The following LSAMP variants were observed in gnomAD, a reference collection of about 807,000 sequenced individuals.
LSAMP encodes the protein limbic system-associated membrane protein.
A neutral mutation model predicts 38.6 loss-of-function variants in LSAMP; 7 were observed. The observed-to-expected ratio is 0.18, with a 90% CI of 0.10 to 0.34. LSAMP has a LOEUF of 0.34. Among genes scored for constraint, LSAMP ranks in the 10% least tolerant of loss-of-function variants. LSAMP has a pLI of 1.00. For missense variants in LSAMP, 313 were observed against 420.0 expected (o/e 0.75, Z 2.23); for synonymous variants, 154 against 166.8 (o/e 0.92, Z 0.59).
intron 1 of LSAMP, among the ~76,000 whole-genome samples, chr3:116,337,057 A>G (rs2047929036): frequency 6.6e-6 from 1 of 151,934 alleles, no homozygotes; most frequent in Non-Finnish European, 1.5e-5. Flanking sequence ...ATGCTAAATG[A>G]AATAAATCAG....
chr3:116,248,494 T>A (rs140567713), intron 1 of LSAMP, among the ~76,000 whole-genome samples: 6,099 of 142,702 alleles, frequency 0.043, 220 homozygotes, highest in East Asian at 0.095. Flanking sequence ...TGTGTGTGTG[T>A]GTGTGTGTGT....
At chr3:115,875,597 G>A (rs978694955) in intron 3 of LSAMP, among the ~76,000 whole-genome samples, 1 of 151,966 alleles carries the variant, frequency 6.6e-6, no homozygotes, top group South Asian at 2.1e-4. Flanking sequence ...TTGCTATTGT[G>A]ACTGAATATT....
intron 1 of LSAMP, among the ~76,000 whole-genome samples, chr3:116,256,934 G>C (rs2046758747): frequency 1.3e-5 from 2 of 152,164 alleles, no homozygotes; most frequent in Non-Finnish European, 1.5e-5. Context: ...GCTGCACTCA[G>C]GCACAGCTAG....
At chr3:116,013,691 T>C (rs1940395185) in intron 3 of LSAMP, among the ~76,000 whole-genome samples, 3 of 152,174 alleles carry the variant, frequency 2.0e-5, no homozygotes, top group African/African-American at 7.2e-5. Context: ...TTTTAAAATT[T>C]ATTTTTGTGC....
chr3:116,083,114 A>G (rs1707907611), intron 2 of LSAMP, among the ~76,000 whole-genome samples: 1 of 152,190 alleles, frequency 6.6e-6, no homozygotes, highest in African/African-American at 2.4e-5. Flanking sequence ...AATGGGCTAG[A>G]GGGACCCAAA....
intron 1 of LSAMP, among the ~76,000 whole-genome samples, chr3:116,407,639 T>TTA (rs1179393157): frequency 3.9e-5 from 6 of 152,120 alleles, no homozygotes; most frequent in Non-Finnish European, 1.5e-5. Flanking sequence ...AAATTGTTGG[T>TTA]TATTGTTCAT....
intron 2 of LSAMP, among the ~76,000 whole-genome samples, chr3:116,049,986 C>T (rs926444912): frequency 3.9e-5 from 6 of 152,202 alleles, no homozygotes; most frequent in Non-Finnish European, 7.3e-5. Context: ...TCCATTTACA[C>T]AGAGTGGCCC....
At chr3:116,426,899 T>TA (rs11361820) in intron 1 of LSAMP, among the ~76,000 whole-genome samples, 10 of 148,160 alleles carry the variant, frequency 6.7e-5, no homozygotes, top group Admixed American at 1.3e-4. Flanking sequence ...GCCTCAAGGT[T>TA]AAAAAAAAAA....
At chr3:116,204,877 C>T (rs1284386899) in intron 1 of LSAMP, among the ~76,000 whole-genome samples, 23 of 144,032 alleles carry the variant, frequency 1.6e-4, no homozygotes, top group Non-Finnish European at 2.3e-4. Flanking sequence ...ATTGCCTTGG[C>T]GATGAGGGCT....
chr3:116,293,330 C>T (rs1002591741), intron 1 of LSAMP, among the ~76,000 whole-genome samples: 4 of 152,048 alleles, frequency 2.6e-5, no homozygotes, highest in African/African-American at 9.7e-5. Context: ...TGCCCTGAAA[C>T]CTAAAAACTT....
intron 2 of LSAMP, among the ~76,000 whole-genome samples, chr3:116,064,052 C>A (rs1481284020): frequency 6.6e-6 from 1 of 152,138 alleles, no homozygotes; most frequent in Non-Finnish European, 1.5e-5. Flanking sequence ...GGGGTTTGGT[C>A]TCAGAAGAGA....
chr3:116,109,832 G>T (rs1708558315), intron 1 of LSAMP, among the ~76,000 whole-genome samples: 2 of 151,942 alleles, frequency 1.3e-5, no homozygotes, highest in African/African-American at 2.4e-5. Context: ...ACGGAGGGAA[G>T]GGGTTCGGGG....
At chr3:115,885,172 T>G (rs978809741) in intron 3 of LSAMP, among the ~76,000 whole-genome samples, 23 of 152,052 alleles carry the variant, frequency 1.5e-4, no homozygotes, top group African/African-American at 5.5e-4. Flanking sequence ...ACCTGCAATG[T>G]GCAGTGCCAT....
intron 1 of LSAMP, among the ~76,000 whole-genome samples, chr3:116,275,003 C>A (rs1332921451): frequency 1.4e-5 from 2 of 147,936 alleles, no homozygotes; most frequent in Non-Finnish European, 3.0e-5. Flanking sequence ...TTTTGTGCAG[C>A]TTAAAACTTT....
intron 1 of LSAMP, among the ~76,000 whole-genome samples, chr3:116,349,766 T>G (rs1450491587): frequency 6.6e-6 from 1 of 151,944 alleles, no homozygotes; most frequent in Non-Finnish European, 1.5e-5. Context: ...GGATTTCCAA[T>G]GAGGCAACGA....
chr3:115,935,270 A>T (rs887218729), intron 3 of LSAMP, among the ~76,000 whole-genome samples: 16 of 152,180 alleles, frequency 1.1e-4, no homozygotes, highest in African/African-American at 3.6e-4. Context: ...TGGAAGGAAG[A>T]CTTGATCCTG....
At chr3:115,926,904 G>A (rs1937509340) in intron 3 of LSAMP, among the ~76,000 whole-genome samples, 1 of 152,038 alleles carries the variant, frequency 6.6e-6, no homozygotes, top group Non-Finnish European at 1.5e-5. Context: ...TCATCTATCT[G>A]ATAATTGGTC....
rs1027217474 is a variant in LSAMP at position 115,890,424 on chromosome 3, A to G, written c.515-37807T>C. ...ATCTCTAATCTGTCTATTAATCAAC[A>G]TGGAACTAGTAGTTCAGGTTAAGCC... On this transcript the variant is annotated intron_variant, in intron 3 of 6. Transcript: ENST00000490035. 6.6e-5 allele frequency among the ~76,000 whole-genome samples: 10 copies of G among 151,918 alleles called. No individual in the cohort carries two copies. In the East Asian group the frequency reaches 1.7e-3, roughly 26 times the overall value.
At chr3:116,113,418 A>ATTTTTTT (rs1409685565) in intron 1 of LSAMP, among the ~76,000 whole-genome samples, 8 of 55,490 alleles carry the variant, frequency 1.4e-4, no homozygotes, top group African/African-American at 5.2e-4. Flanking sequence ...ATATATATAT[A>ATTTTTTT]TATTTTTTTT....
Sources: allele counts gnomAD v4.1 joint callset (sites outside exome capture counted in the v4.1 genomes callset), GRCh38; gene constraint gnomAD v4.1.1; transcripts MANE v1.5; gene names NCBI Gene and HGNC (gene_info 2026-07-23, HGNC 2026-07-21).